PLA2G4A: variants seen among roughly 807,000 people sequenced by gnomAD.
The protein encoded by PLA2G4A is phospholipase A2 group IVA.
Under a neutral mutation model 81.9 loss-of-function variants are expected in PLA2G4A, and 40 were observed. The ratio of observed to expected loss-of-function variants is 0.49; its 90% CI spans 0.38 to 0.64. The LOEUF (loss-of-function observed/expected upper bound fraction) is 0.64. PLA2G4A is among the 30% of genes least tolerant of loss of function. PLA2G4A has a pLI of 0.00. For missense variants in PLA2G4A, 715 were observed against 905.1 expected (o/e 0.79, Z 2.69); for synonymous variants, 302 against 296.9 (o/e 1.02, Z -0.18).
At position 186,956,328 on chromosome 1, in the gene PLA2G4A, G is replaced by A. The variant is rs762745927; in HGVS notation, c.1563G>A (p.Leu521=). The A allele has an allele frequency of 1.9e-6, 3 of 1,613,612 alleles. No individual in the cohort carries two copies. The highest frequency in any genetic ancestry group is 2.2e-5 in the East Asian group (1 of 44,850). The change falls in exon 14 of 18, where the codon CTG becomes CTA. Residue 521 remains leucine, a synonymous_variant. Coordinates refer to ENST00000367466, the MANE Select transcript of PLA2G4A (RefSeq NM_024420.3). The part of the protein sequence containing the change: ...ATQDSFDDDE[L]DAAVADPDEF... ...AGGACTCCTTTGATGATGATGAACT[G>A]GATGCAGCTGTAGCAGGTAAGTGTA...
rs1398392596 is a variant in PLA2G4A at position 186,950,680 on chromosome 1, G to T, written c.1288G>T (p.Val430Leu). 4.4e-6 allele frequency: 7 copies of T among 1,599,886 alleles called. No homozygotes were observed. The highest frequency in any genetic ancestry group is 5.1e-6 in the Non-Finnish European group (6 of 1,167,556). ...AGAAAATATTACCACAAAGCATATT[G>T]TGAGTAATGATAGCTCGGACAGTGA... ...ELENITTKHI[V>L]SNDSSDSDDE... The change falls in exon 13 of 18, where the codon GTG (valine) becomes TTG (leucine). Residue 430 changes from valine (V) to leucine (L), a missense_variant. Physicochemically the swap from Val to Leu is conservative, Grantham distance 32. Transcript: ENST00000367466.
At chr1:186,986,213 T>C (rs1017722259) in intron 17 of PLA2G4A, among the ~76,000 whole-genome samples, 2 of 152,226 alleles carry the variant, frequency 1.3e-5, no homozygotes, top group African/African-American at 4.8e-5. Flanking sequence ...AATCCACTAG[T>C]TCCTGATGTT....
chr1:186,979,924 C>T (rs1284285461), intron 17 of PLA2G4A, among the ~76,000 whole-genome samples: 1 of 138,086 alleles, frequency 7.2e-6, no homozygotes, highest in African/African-American at 2.6e-5. Context: ...AGCAGCATCA[C>T]AAAACGTAAC....
chr1:186,898,681 G>T (rs1654433730), intron 5 of PLA2G4A, among the ~76,000 whole-genome samples: 1 of 152,014 alleles, frequency 6.6e-6, no homozygotes, highest in African/African-American at 2.4e-5. Flanking sequence ...AGAAAAAGTT[G>T]AAAGATTTAT....
chr1:186,945,775 T>A (rs1026143175), intron 10 of PLA2G4A, among the ~76,000 whole-genome samples: 3 of 152,146 alleles, frequency 2.0e-5, no homozygotes, highest in African/African-American at 7.2e-5. Context: ...GAGTTCTTGC[T>A]GAAGACATCA....
At chr1:186,955,802 C>T (rs1287676923) in intron 13 of PLA2G4A, among the ~76,000 whole-genome samples, 2 of 131,282 alleles carry the variant, frequency 1.5e-5, no homozygotes, top group African/African-American at 5.8e-5. Context: ...GATGCAATAT[C>T]GGCTCACTGC....
At chr1:186,963,091 G>A (rs6685195) in intron 14 of PLA2G4A, among the ~76,000 whole-genome samples, 145,873 of 152,258 alleles carry the variant, frequency 0.96, 69,922 homozygotes, top group East Asian at 1. Flanking sequence ...TATAAGAATA[G>A]TAAATCTTAT....
intron 5 of PLA2G4A, among the ~76,000 whole-genome samples, chr1:186,897,949 T>C (rs1654397832): frequency 6.6e-6 from 1 of 152,178 alleles, no homozygotes; most frequent in African/African-American, 2.4e-5. Flanking sequence ...GTTTTTCAAC[T>C]CTTGCTCCTC....
At chr1:186,934,443 C>CACACACACACACACAG (rs372931067) in intron 8 of PLA2G4A, among the ~76,000 whole-genome samples, 1 of 99,564 alleles carries the variant, frequency 1.0e-5, no homozygotes, top group Non-Finnish European at 1.9e-5. Flanking sequence ...TAAATGTGCA[C>CACACACACACACACAG]ATATATATAT....
chr1:186,932,984 T>G, intron 8 of PLA2G4A, 85 bp downstream of exon 8: 1 of 976,132 alleles, frequency 1.0e-6, no homozygotes, highest in Non-Finnish European at 1.6e-6. Flanking sequence ...AAAAGGGGAT[T>G]TAGAAAATTG....
intron 14 of PLA2G4A, among the ~76,000 whole-genome samples, chr1:186,962,783 G>A (rs575205954): frequency 6.6e-6 from 1 of 152,068 alleles, no homozygotes; most frequent in East Asian, 2.0e-4. Flanking sequence ...GCCTCCCAAA[G>A]TGCTGGGATT....
chr1:186,964,502 G>C (rs1329971312), intron 14 of PLA2G4A, among the ~76,000 whole-genome samples: 1 of 151,972 alleles, frequency 6.6e-6, no homozygotes, highest in African/African-American at 2.4e-5. Flanking sequence ...TCTGCCTTGG[G>C]ACCCTTGCTC....
intron 5 of PLA2G4A, among the ~76,000 whole-genome samples, chr1:186,895,861 G>T (rs1654315282): frequency 6.6e-6 from 1 of 152,018 alleles, no homozygotes; most frequent in Admixed American, 6.6e-5. Context: ...GTTTTATTCT[G>T]GGAAAATAAC....
intron 7 of PLA2G4A, among the ~76,000 whole-genome samples, chr1:186,924,841 G>C (rs1655490980): frequency 6.6e-6 from 1 of 152,194 alleles, no homozygotes; most frequent in Admixed American, 6.5e-5. Context: ...GCCAAGGTGG[G>C]AGGATCAAGA....
At chr1:186,842,426 A>G (rs1049540981) in intron 1 of PLA2G4A, among the ~76,000 whole-genome samples, 2 of 152,068 alleles carry the variant, frequency 1.3e-5, no homozygotes, top group South Asian at 2.1e-4. Context: ...TCCACTAACA[A>G]TTGTATGCTG....
chr1:186,941,947 A>G (rs527404756), intron 10 of PLA2G4A, among the ~76,000 whole-genome samples: 217 of 152,364 alleles, frequency 1.4e-3, no homozygotes, highest in Admixed American at 3.6e-3. Context: ...GAGACAAAGT[A>G]TGTAAACAAT....
chr1:186,845,496 A>G (rs1652139850), intron 1 of PLA2G4A, among the ~76,000 whole-genome samples: 1 of 152,180 alleles, frequency 6.6e-6, no homozygotes, highest in African/African-American at 2.4e-5. Flanking sequence ...GAGACAGGCT[A>G]GAACTTGGGT....
At position 186,977,907 on chromosome 1, in the gene PLA2G4A, T is replaced by C. The variant is rs1657588256; in HGVS notation, c.1960+119T>C. 4 of 753,588 alleles carry C rather than the reference T, an allele frequency of 5.3e-6. No individual in the cohort carries two copies. The South Asian group carries it at 5.7e-5, about 11-fold the overall frequency. The allele number at this position is 753,588 out of a possible 1,614,324, so 46.7% of individuals were successfully genotyped here. A position where few individuals can be genotyped will look rare whatever the true frequency, so the allele number is the denominator to read the frequency against. On this transcript the variant is annotated intron_variant, in intron 16 of 17. Coordinates refer to ENST00000367466, the MANE Select transcript of PLA2G4A (RefSeq NM_024420.3). ...CTATTACACTATTGAATGCTTCCCT[T>C]ACCTTGATAAATAGATACTATTCTG...
chr1:186,934,272 T>C (rs1348202551), intron 8 of PLA2G4A, among the ~76,000 whole-genome samples: 1 of 151,908 alleles, frequency 6.6e-6, no homozygotes, highest in Non-Finnish European at 1.5e-5. Flanking sequence ...ACTCATCTAA[T>C]AAAGCAAGAC....
Sources: gnomAD v4.1 joint callset for allele counts (sites outside exome capture counted in the v4.1 genomes callset) on GRCh38, gnomAD v4.1.1 for gene constraint, MANE v1.5 for transcripts, NCBI Gene and HGNC (gene_info 2026-07-23, HGNC 2026-07-21) for gene names.